IQCK: variants seen among roughly 807,000 people sequenced by gnomAD.
IQCK encodes the protein IQ domain-containing protein K.
Under a neutral mutation model 28.1 loss-of-function variants are expected in IQCK, and 29 were observed. The ratio of observed to expected loss-of-function variants is 1.03; its 90% confidence interval spans 0.77 to 1.41. The LOEUF (loss-of-function observed/expected upper bound fraction) is 1.41, where lower values mean the gene tolerates loss of function less well. Ranked by LOEUF, IQCK falls within the 40% of genes most tolerant of loss-of-function variation. The pLI is 0.00. For missense variants in IQCK, 359 were observed against 314.7 expected (o/e 1.14, Z -1.07); for synonymous variants, 113 against 115.1 (o/e 0.98, Z 0.12).
intron 7 of IQCK, among the ~76,000 whole-genome samples, chr16:19,793,681 TAAC>T (rs1382802746): frequency 7.2e-5 from 6 of 82,952 alleles, no homozygotes; most frequent in Admixed American, 1.6e-4. Flanking sequence ...TTTGTGAAAT[TAAC>T]AAGCCAGTCC....
chr16:19,728,074 TAAAA>T (rs1249153042), intron 1 of IQCK, among the ~76,000 whole-genome samples: 1 of 151,416 alleles, frequency 6.6e-6, no homozygotes, highest in African/African-American at 2.4e-5. Context: ...GGTGAGCCCT[TAAAA>T]GAAGTCAGAT....
intron 1 of IQCK, among the ~76,000 whole-genome samples, chr16:19,729,016 T>C (rs532756482): frequency 6.6e-6 from 1 of 152,374 alleles, no homozygotes; most frequent in East Asian, 1.9e-4. Context: ...CATTGACCTT[T>C]CCAGAAATAT....
At chr16:19,778,428 G>A (rs1377441601) in intron 6 of IQCK, among the ~76,000 whole-genome samples, 1 of 152,132 alleles carries the variant, frequency 6.6e-6, no homozygotes, top group Non-Finnish European at 1.5e-5. Flanking sequence ...GGCCGAGGCG[G>A]GAGGATTGCT....
At chr16:19,822,756 A>G (rs1373878579) in intron 7 of IQCK, among the ~76,000 whole-genome samples, 1 of 152,150 alleles carries the variant, frequency 6.6e-6, no homozygotes, top group Non-Finnish European at 1.5e-5. Flanking sequence ...ATGTGTTGCA[A>G]TGAGAGAATG....
chr16:19,820,625 G>A (rs2056059086), intron 7 of IQCK, among the ~76,000 whole-genome samples: 1 of 150,478 alleles, frequency 6.6e-6, no homozygotes, highest in African/African-American at 2.5e-5. Flanking sequence ...CTCCAGCCTG[G>A]GCACCAGAGG....
intron 7 of IQCK, among the ~76,000 whole-genome samples, chr16:19,806,054 T>G (rs1392581808): frequency 6.6e-6 from 1 of 152,168 alleles, no homozygotes; most frequent in Non-Finnish European, 1.5e-5. Flanking sequence ...ACATCTCGGC[T>G]ACTATTTTAG....
intron 7 of IQCK, among the ~76,000 whole-genome samples, chr16:19,822,895 G>C (rs1163515870): frequency 6.6e-6 from 1 of 152,158 alleles, no homozygotes; most frequent in East Asian, 1.9e-4. Context: ...GGTTCCTTGT[G>C]AATCTGATAA....
chr16:19,764,574 T>C (rs868354684), intron 6 of IQCK, among the ~76,000 whole-genome samples: 1 of 152,182 alleles, frequency 6.6e-6, no homozygotes, highest in African/African-American at 2.4e-5. Context: ...CCTCCCCACA[T>C]TGAAGTAATC....
chr16:19,856,797 G>A, exon 10 of IQCK: 2 of 476,618 alleles, frequency 4.2e-6, no homozygotes, highest in Admixed American at 3.8e-5. Context: ...TACTTCTTCA[G>A]TGCCTCAGGA....
At chr16:19,752,247 TAA>T (rs2054996364) in intron 4 of IQCK, among the ~76,000 whole-genome samples, 1 of 152,252 alleles carries the variant, frequency 6.6e-6, no homozygotes, top group Non-Finnish European at 1.5e-5. Context: ...ACTGCTATAT[TAA>T]ACAGAGCTGG....
At chr16:19,835,629 G>T (rs2056286028) in intron 9 of IQCK, among the ~76,000 whole-genome samples, 1 of 147,676 alleles carries the variant, frequency 6.8e-6, no homozygotes, top group East Asian at 2.0e-4. Flanking sequence ...CTGTCGCCCA[G>T]ACTGAAGTGC....
intron 4 of IQCK, among the ~76,000 whole-genome samples, chr16:19,752,410 T>G (rs1040131579): frequency 6.6e-6 from 1 of 152,198 alleles, no homozygotes; most frequent in Admixed American, 6.5e-5. Context: ...TAGTGGAAAC[T>G]CAAATGAGTT....
At chr16:19,777,087 C>T (rs766519500) in intron 6 of IQCK, among the ~76,000 whole-genome samples, 8 of 152,058 alleles carry the variant, frequency 5.3e-5, no homozygotes, top group Non-Finnish European at 1.0e-4. Context: ...TCATGAAAGA[C>T]ATCATTAAAA....
intron 9 of IQCK, among the ~76,000 whole-genome samples, chr16:19,835,591 T>TC (rs1160078653): frequency 2.7e-5 from 4 of 150,866 alleles, no homozygotes; most frequent in Admixed American, 1.3e-4. Context: ...TCTTTTCTTT[T>TC]TTTTTTTTTT....
intron 3 of IQCK, 71 bp downstream of exon 3, chr16:19,733,898 A>G (rs1200771611): frequency 6.5e-7 from 1 of 1,532,592 alleles, no homozygotes; most frequent in East Asian, 2.3e-5. Context: ...GTGGGTATGG[A>G]GGCGGACAGA....
intron 4 of IQCK, among the ~76,000 whole-genome samples, chr16:19,748,794 C>T (rs1274689323): frequency 6.6e-6 from 1 of 152,056 alleles, no homozygotes; most frequent in African/African-American, 2.4e-5. Context: ...AAAATCAAAA[C>T]ATAACTCTTA....
intron 6 of IQCK, among the ~76,000 whole-genome samples, chr16:19,778,711 G>T (rs911504274): frequency 1.3e-5 from 2 of 152,014 alleles, no homozygotes; most frequent in African/African-American, 4.8e-5. Flanking sequence ...ATGCCCAGTT[G>T]GTATCTGCAG....
intron 7 of IQCK, among the ~76,000 whole-genome samples, chr16:19,806,014 C>T (rs1199796220): frequency 5.3e-5 from 8 of 151,900 alleles, no homozygotes; most frequent in African/African-American, 1.5e-4. Flanking sequence ...TGAGGCCATC[C>T]GGTAGTCAGA....
At chr16:19,752,749 A>G (rs1313011719) in intron 4 of IQCK, among the ~76,000 whole-genome samples, 4 of 152,082 alleles carry the variant, frequency 2.6e-5, no homozygotes, top group African/African-American at 9.7e-5. Flanking sequence ...TTTTTTGTAG[A>G]GATGGGGCTT....
Sources: allele counts gnomAD v4.1 joint callset (sites outside exome capture counted in the v4.1 genomes callset), GRCh38; gene constraint gnomAD v4.1.1; transcripts MANE v1.5; gene names NCBI Gene and HGNC (gene_info 2026-07-23, HGNC 2026-07-21).